Variants in ATP8B4 observed in about 807,000 individuals in gnomAD.
ATP8B4 encodes the protein ATPase phospholipid transporting 8B4 (putative), also known as probable phospholipid-transporting ATPase IM.
In ATP8B4, 133 loss-of-function variants were observed where a neutral mutation model predicts 145.6. The ratio of observed to expected loss-of-function variants is 0.91; its 90% CI spans 0.79 to 1.05. ATP8B4 has a LOEUF of 1.05. Among genes scored for constraint, ATP8B4 ranks in the 50% least tolerant of loss-of-function variants. The probability of loss-of-function intolerance (pLI) is 0.00; values close to 1 mark genes in which losing one functional copy is unlikely to be tolerated. For synonymous variants in ATP8B4, 507 were observed against 492.9 expected (o/e 1.03, Z -0.38); for missense variants, 1,458 against 1,425.2 (o/e 1.02, Z -0.37).
At chr15:49,866,845 G>GA (rs951009500) in intron 25 of ATP8B4, among the ~76,000 whole-genome samples, 8 of 151,978 alleles carry the variant, frequency 5.3e-5, no homozygotes, top group East Asian at 1.9e-4. Context: ...TTTTCTATTG[G>GA]AAAAAAATTC....
At chr15:50,175,139 A>G (rs2044743268) in intron 1 of ATP8B4, among the ~76,000 whole-genome samples, 1 of 152,204 alleles carries the variant, frequency 6.6e-6, no homozygotes, top group Non-Finnish European at 1.5e-5. Context: ...TTATGCAAAA[A>G]TCAACTCTAG....
At chr15:50,072,136 A>T (rs936495136) in intron 3 of ATP8B4, among the ~76,000 whole-genome samples, 5 of 152,116 alleles carry the variant, frequency 3.3e-5, no homozygotes, top group Non-Finnish European at 5.9e-5. Context: ...CAATAGGAAC[A>T]ACACACAAAA....
chr15:49,865,992 G>C (rs2032724761), intron 26 of ATP8B4, among the ~76,000 whole-genome samples: 1 of 152,196 alleles, frequency 6.6e-6, no homozygotes, highest in Non-Finnish European at 1.5e-5. Flanking sequence ...TGGCATAAAA[G>C]GAGAGTCTAG....
At chr15:49,943,278 G>A (rs1437726061) in intron 14 of ATP8B4, among the ~76,000 whole-genome samples, 2 of 152,068 alleles carry the variant, frequency 1.3e-5, no homozygotes, top group Non-Finnish European at 2.9e-5. Context: ...GAGGACAAGA[G>A]AGATGGAAAG....
In ATP8B4 at chr15:49,879,379, G is replaced by A; in HGVS notation, c.2778C>T (p.Asp926=). The A allele has an allele frequency of 6.2e-7, 1 of 1,608,232 alleles. No individual in the cohort carries two copies. Among genetic ancestry groups the A allele is most frequent in the Non-Finnish European group, 8.5e-7 (1 of 1,177,044 alleles). The change falls in exon 24 of 28, where the codon GAC becomes GAT. Residue 926 remains aspartate, a synonymous_variant. Coordinates refer to ENST00000284509, the MANE Select transcript of ATP8B4 (RefSeq NM_024837.4). ...TAAAGATGGAAAAAAAACATACCTG[G>A]TCAAAAATCCCCATGGCTAAAACAG... is the stretch of plus-strand genomic sequence containing the variant. The part of the protein sequence containing the change: ...SLPVLAMGIF[D]QDVSDQNSVD...
intron 2 of ATP8B4, among the ~76,000 whole-genome samples, chr15:50,085,054 C>T (rs942036207): frequency 4.6e-5 from 7 of 152,126 alleles, no homozygotes; most frequent in Non-Finnish European, 7.4e-5. Flanking sequence ...TACTCAAGGC[C>T]ATCCACTAGC....
intron 14 of ATP8B4, among the ~76,000 whole-genome samples, chr15:49,940,922 C>T (rs1246328976): frequency 6.6e-6 from 1 of 152,114 alleles, no homozygotes; most frequent in Non-Finnish European, 1.5e-5. Flanking sequence ...TGCTAGAATT[C>T]ACCCTCGAGA....
At chr15:50,028,772 T>C (rs896315174) in intron 6 of ATP8B4, among the ~76,000 whole-genome samples, 15 of 152,154 alleles carry the variant, frequency 9.9e-5, no homozygotes, top group Non-Finnish European at 1.8e-4. Flanking sequence ...GCCTGACACA[T>C]AGTAGGCAGA....
chr15:50,099,305 G>A (rs1310399717), intron 2 of ATP8B4, among the ~76,000 whole-genome samples: 1 of 151,848 alleles, frequency 6.6e-6, no homozygotes, highest in Non-Finnish European at 1.5e-5. Flanking sequence ...TTAGAGACTA[G>A]GTCCCAGTCT....
At position 50,087,107 on chromosome 15, in the gene ATP8B4, T is replaced by TTATATTTATTATATATAATATATAGATC. The variant is rs1181995897; in HGVS notation, c.29-12950_29-12923dup. Among the ~76,000 whole-genome samples the TTATATTTATTATATATAATATATAGATC allele has an allele frequency of 2.3e-3, 107 of 46,492 alleles. 1 individual carries two copies. Among genetic ancestry groups the TTATATTTATTATATATAATATATAGATC allele is most frequent in the Non-Finnish European group, 3.1e-3 (92 of 29,470 alleles). 30.5% of individuals were successfully genotyped at this position (46,492 alleles called of 152,430 possible). ...CTATATTATATATAATAAATATAGA[T>TTATATTTATTATATATAATATATAGATC]TATATTTATTATATATAATATATAG... is the stretch of plus-strand genomic sequence containing the variant. On this transcript the variant is annotated intron_variant, in intron 2 of 27. Coordinates refer to ENST00000284509, the MANE Select transcript of ATP8B4 (RefSeq NM_024837.4).
chr15:49,966,339 C>G (rs2153515299), intron 13 of ATP8B4, among the ~76,000 whole-genome samples: 1 of 152,328 alleles, frequency 6.6e-6, no homozygotes, highest in African/African-American at 2.4e-5. Flanking sequence ...AGATCCCACC[C>G]CCATGGAGCC....
intron 1 of ATP8B4, among the ~76,000 whole-genome samples, chr15:50,172,846 G>T (rs1480240375): frequency 6.6e-6 from 1 of 152,030 alleles, no homozygotes; most frequent in East Asian, 1.9e-4. Flanking sequence ...CCCCGTCTGG[G>T]AGGTGAGGAG....
intron 5 of ATP8B4, among the ~76,000 whole-genome samples, chr15:50,040,896 C>A (rs1395542463): frequency 6.6e-6 from 1 of 152,208 alleles, no homozygotes; most frequent in African/African-American, 2.4e-5. Context: ...TTGTGTACTC[C>A]CTGTGAGCTA....
chr15:50,077,364 C>A (rs1279226381), intron 2 of ATP8B4, among the ~76,000 whole-genome samples: 2 of 152,062 alleles, frequency 1.3e-5, no homozygotes, highest in African/African-American at 4.8e-5. Flanking sequence ...CATAACAGTG[C>A]TGGAAAACAA....
At chr15:49,870,988 G>A (rs2033588537) in intron 25 of ATP8B4, among the ~76,000 whole-genome samples, 2 of 152,208 alleles carry the variant, frequency 1.3e-5, no homozygotes. Flanking sequence ...GAGAGAGGTG[G>A]GGACCACGAA....
chr15:50,044,574 G>A lies in ATP8B4; in HGVS notation c.300+20C>T, dbSNP rs1316476327. ...CAACTGAAATTGAGACCTCAAGAAT[G>A]CTCAAGAGCAAATACTCACATAGTC... On this transcript the variant is annotated intron_variant, in intron 5 of 27. Coordinates refer to ENST00000284509, the MANE Select transcript of ATP8B4 (RefSeq NM_024837.4). 1.3e-6 allele frequency: 2 copies of A among 1,542,396 alleles called. No individual in the cohort carries two copies. The highest frequency in any genetic ancestry group is 1.8e-6 in the Non-Finnish European group (2 of 1,120,488).
Position 49,978,619 on chromosome 15 carries a change from A to G in ATP8B4, c.1034+998T>C, listed in dbSNP as rs77013466. ...AAAGTACTGATGATGAGAACTGTCA[A>G]CCAACCAAGTCCCATCTTAGCTCCA... On this transcript the variant is annotated intron_variant, in intron 12 of 27. Transcript: ENST00000284509. Among the ~76,000 whole-genome samples the G allele has an allele frequency of 6.2e-3, 945 of 152,198 alleles. 14 individuals carry two copies. Among genetic ancestry groups the G allele is most frequent in the African/African-American group, 0.022 (896 of 41,522 alleles).
chr15:49,921,275 G>A (rs1054369860), intron 17 of ATP8B4, among the ~76,000 whole-genome samples: 1 of 152,114 alleles, frequency 6.6e-6, no homozygotes, highest in African/African-American at 2.4e-5. Flanking sequence ...CCATTATCAA[G>A]TCAGCTTAGT....
At chr15:50,070,589 TTC>T (rs2053663180) in intron 3 of ATP8B4, among the ~76,000 whole-genome samples, 1 of 152,220 alleles carries the variant, frequency 6.6e-6, no homozygotes, top group Admixed American at 6.5e-5. Context: ...GGTGCTCATT[TTC>T]TCTGAGCCAC....
Sources: allele counts gnomAD v4.1 joint callset (sites outside exome capture counted in the v4.1 genomes callset), GRCh38; gene constraint gnomAD v4.1.1; transcripts MANE v1.5; gene names NCBI Gene and HGNC (gene_info 2026-07-23, HGNC 2026-07-21).